Variants in FAM91A1 observed in about 807,000 individuals in gnomAD.
The protein encoded by FAM91A1 is protein FAM91A1.
FAM91A1 carries 41 observed loss-of-function variants against 113.5 expected under a neutral mutation model. The observed-to-expected ratio is 0.36, with a 90% CI of 0.28 to 0.47. The LOEUF is 0.47. Among genes scored for constraint, FAM91A1 ranks in the 20% least tolerant of loss-of-function variants. The pLI is 1.00. For missense variants in FAM91A1, 696 were observed against 1,001.2 expected (o/e 0.70, Z 4.11); for synonymous variants, 307 against 347.9 (o/e 0.88, Z 1.31).
chr8:123,806,510 G>A lies in FAM91A1; in HGVS notation c.2032+281G>A, dbSNP rs375184844. ...CTTTATTAGGTTAGCTTTATAGGGT[G>A]ATGGTTTCAAAACTCAAGTCTCTTT... is the stretch of plus-strand genomic sequence containing the variant. On this transcript the variant is annotated intron_variant, in intron 20 of 23. Transcript: ENST00000334705. 5.6e-4 allele frequency among the ~76,000 whole-genome samples: 85 copies of A among 152,286 alleles called. 1 individual carries two copies. The South Asian group carries it at 0.013, about 23-fold the overall frequency.
intron 8 of FAM91A1, 56 bp from the exon 9 acceptor site, chr8:123,784,414 C>A (rs1380823780): frequency 2.3e-6 from 3 of 1,302,866 alleles, no homozygotes; most frequent in Non-Finnish European, 3.2e-6. Flanking sequence ...GTAAATTATA[C>A]TTTCTTGTTT....
At position 123,814,973 on chromosome 8, in the gene FAM91A1, T is replaced by C. The variant is rs1458317841; in HGVS notation, c.*2269T>C. 6.6e-6 allele frequency: 1 copy of C among 152,618 alleles called. No individual in the cohort carries two copies. The highest frequency in any genetic ancestry group is 2.4e-5 in the African/African-American group (1 of 41,456). The allele number at this position is 152,618 out of a possible 1,614,324, so 9.5% of individuals were successfully genotyped here. A position where few individuals can be genotyped will look rare whatever the true frequency, so the allele number is the denominator to read the frequency against. ...TTTTACCATGTTCCTTCCTTTCTTT[T>C]TCCCGCTTCCTTAATGTAATTTAAA... On this transcript the variant is annotated 3_prime_UTR_variant, in exon 24 of 24. Coordinates refer to ENST00000334705, the MANE Select transcript of FAM91A1 (RefSeq NM_144963.4).
intron 15 of FAM91A1, among the ~76,000 whole-genome samples, chr8:123,794,226 G>A (rs1240925607): frequency 1.3e-5 from 2 of 152,132 alleles, no homozygotes; most frequent in East Asian, 3.8e-4. Flanking sequence ...TTGGAAATTT[G>A]TGACAACTTG....
At chr8:123,770,892 C>G (rs1471346296) in intron 1 of FAM91A1, among the ~76,000 whole-genome samples, 5 of 152,174 alleles carry the variant, frequency 3.3e-5, no homozygotes. Context: ...AGTTTACTTC[C>G]AAGGACCTTC....
rs1202468067 is a variant in FAM91A1, at chr8:123,783,586, A to T, written c.704-884A>T. ...TTTTTCACTATTAGGAATAATTTAA[A>T]TTTTTGGGTACAATTAGATGATATT... On this transcript the variant is annotated intron_variant, in intron 8 of 23. Coordinates refer to ENST00000334705, the MANE Select transcript of FAM91A1 (RefSeq NM_144963.4). Among the ~76,000 whole-genome samples the T allele has an allele frequency of 3.3e-5, 5 of 152,176 alleles. No homozygotes were observed. The East Asian group carries it at 9.6e-4, about 29-fold the overall frequency.
At position 123,806,310 on chromosome 8, in the gene FAM91A1, C is replaced by A. The variant is rs1815810353; in HGVS notation, c.2032+81C>A. On this transcript the variant is annotated intron_variant, in intron 20 of 23. Coordinates refer to ENST00000334705, the MANE Select transcript of FAM91A1 (RefSeq NM_144963.4). ...GTGTTAATATATGAAAAGCAGCAGA[C>A]CTTTGTGGGGATGCTGAATTATTGA... is the stretch of plus-strand genomic sequence containing the variant. The A allele has an allele frequency of 1.4e-5, 19 of 1,376,860 alleles. No individual in the cohort carries two copies. The South Asian group carries it at 3.1e-4, about 22-fold the overall frequency. 85.3% of individuals were successfully genotyped at this position (1,376,860 alleles called of 1,614,324 possible).
chr8:123,782,490 T>C (rs143270694), intron 8 of FAM91A1, among the ~76,000 whole-genome samples: 126 of 152,328 alleles, frequency 8.3e-4, no homozygotes, highest in Middle Eastern at 3.4e-3. Context: ...AAGGGAGTAA[T>C]CATGAAAGGC....
chr8:123,810,427 G>T (rs1302284012), intron 23 of FAM91A1, 76 bp downstream of exon 23: 4 of 1,235,920 alleles, frequency 3.2e-6, no homozygotes, highest in Admixed American at 1.7e-5. Flanking sequence ...GTTTGTTTTT[G>T]AGTCACCACA....
intron 23 of FAM91A1, 148 bp from the exon 24 acceptor site, chr8:123,812,371 G>A (rs1394954372): frequency 5.5e-6 from 3 of 547,500 alleles, no homozygotes; most frequent in Non-Finnish European, 6.2e-6. Flanking sequence ...ATTGCTTTGG[G>A]CTCACAGTGT....
At chr8:123,787,033 C>T (rs1815275700) in intron 12 of FAM91A1, among the ~76,000 whole-genome samples, 6 of 152,182 alleles carry the variant, frequency 3.9e-5, no homozygotes. Flanking sequence ...TGAGGCTAAG[C>T]CCAAAGGGAA....
In FAM91A1 at chr8:123,774,219, C is replaced by T. The variant is rs377338927; in HGVS notation, c.157+55C>T. 172 of 1,348,494 alleles carry T rather than the reference C, an allele frequency of 1.3e-4. No homozygotes were observed. The African/African-American group carries it at 1.5e-3, about 12-fold the overall frequency. The allele number at this position is 1,348,494 out of a possible 1,614,324, so 83.5% of individuals were successfully genotyped here. Reference sequence around the variant, plus strand: ...GAACTGACCACTACTCTTTCACATTCGTAAATCTTTCTTTTCAATACATAT... The same window carrying T: ...GAACTGACCACTACTCTTTCACATTTGTAAATCTTTCTTTTCAATACATAT... On this transcript the variant is annotated intron_variant, in intron 2 of 23. Coordinates refer to ENST00000334705, the MANE Select transcript of FAM91A1 (RefSeq NM_144963.4).
At chr8:123,809,965 C>G (rs913900918) in intron 22 of FAM91A1, among the ~76,000 whole-genome samples, 3 of 152,136 alleles carry the variant, frequency 2.0e-5, no homozygotes, top group African/African-American at 7.2e-5. Context: ...CCTCAGAGTG[C>G]CTAAATCTTC....
At chr8:123,787,608 A>T (rs1815290293) in intron 13 of FAM91A1, 56 bp from the exon 14 acceptor site, 4 of 1,366,790 alleles carry the variant, frequency 2.9e-6, no homozygotes, top group Middle Eastern at 3.7e-4. Flanking sequence ...ATTTGATAGT[A>T]TGCTTAGCAT....
At chr8:123,791,019 T>C (rs1364064413) in intron 15 of FAM91A1, among the ~76,000 whole-genome samples, 1 of 152,216 alleles carries the variant, frequency 6.6e-6, no homozygotes, top group Non-Finnish European at 1.5e-5. Context: ...ACTCCTGGAA[T>C]TTCTGGGACT....
In FAM91A1 at chr8:123,768,693, C is replaced by T; in HGVS notation, c.-10C>T. The T allele has an allele frequency of 6.3e-7, 1 of 1,589,360 alleles. No individual in the cohort carries two copies. The highest frequency in any genetic ancestry group is 8.6e-7 in the Non-Finnish European group (1 of 1,169,032). ...TGGCGGCCCCGGCCGCCGGCCCTGG[C>T]CGCGGCATCATGAACATAGACGTGG... On this transcript the variant is annotated 5_prime_UTR_variant, in exon 1 of 24. Transcript: ENST00000334705.
chr8:123,787,338 C>G lies in FAM91A1; in HGVS notation c.1156C>G (p.Leu386Val), dbSNP rs766440330. Residue 386 changes from leucine to valine, a missense_variant, in exon 13 of 24, where the codon CTT (leucine) becomes GTT (valine). Transcript: ENST00000334705. The stretch of plus-strand genomic sequence containing the variant: ...CATCGCATTCCTGTTTGACTCCACT[C>G]TTACTGCCTTCTTAATGATGGGAAA... ...KRIAFLFDST[L>V]TAFLMMGNLS... The G allele has an allele frequency of 1.9e-6, 3 of 1,611,764 alleles. No individual in the cohort carries two copies. The highest frequency in any genetic ancestry group is 2.5e-6 in the Non-Finnish European group (3 of 1,179,618).
intron 15 of FAM91A1, among the ~76,000 whole-genome samples, chr8:123,797,743 A>G (rs73337423): frequency 0.017 from 2,584 of 152,328 alleles, 67 homozygotes; most frequent in African/African-American, 0.06. Flanking sequence ...TTGACTGTGC[A>G]CGGCGTCAGC....
rs200552156 is a variant in FAM91A1 at position 123,812,509 on chromosome 8, G to A, written c.2332-10G>A. The A allele has an allele frequency of 2.2e-4, 339 of 1,565,294 alleles. No individual in the cohort carries two copies. The highest frequency in any genetic ancestry group is 1.0e-4 in the Non-Finnish European group (116 of 1,161,340). On this transcript the variant is annotated splice_polypyrimidine_tract_variant and intron_variant, in intron 23 of 23. Transcript: ENST00000334705. Reference sequence around the variant, plus strand: ...TTGAATATCATTTCTCTTGTTTCTTGATCTTTTAGGAAGGTGCTTCAATAT... The same window carrying A: ...TTGAATATCATTTCTCTTGTTTCTTAATCTTTTAGGAAGGTGCTTCAATAT...
At chr8:123,785,221 ATTG>A (rs1484247709) in intron 10 of FAM91A1, 102 bp downstream of exon 10, 2 of 1,007,456 alleles carry the variant, frequency 2.0e-6, no homozygotes, top group Admixed American at 2.5e-5. Flanking sequence ...AGACATTGAG[ATTG>A]TTGTTAGCTG....
Sources: allele counts gnomAD v4.1 joint callset (sites outside exome capture counted in the v4.1 genomes callset), GRCh38; gene constraint gnomAD v4.1.1; transcripts MANE v1.5; gene names NCBI Gene and HGNC (gene_info 2026-07-23, HGNC 2026-07-21).